Variants in ELF1 observed in about 807,000 individuals in gnomAD.
ELF1 encodes the protein E74 like ETS transcription factor 1.
A neutral mutation model predicts 59.9 loss-of-function variants in ELF1; 24 were observed. The observed-to-expected ratio is 0.40, with a 90% CI of 0.29 to 0.56. The LOEUF (loss-of-function observed/expected upper bound fraction) is 0.56. ELF1 is among the 20% of genes least tolerant of loss of function. ELF1 has a pLI of 0.44. For synonymous variants in ELF1, 248 were observed against 266.2 expected (o/e 0.93, Z 0.67); for missense variants, 627 against 742.2 (o/e 0.84, Z 1.80).
At chr13:40,944,681 C>T (rs1212950443) in intron 5 of ELF1, among the ~76,000 whole-genome samples, 1 of 152,196 alleles carries the variant, frequency 6.6e-6, no homozygotes, top group African/African-American at 2.4e-5. Flanking sequence ...AGCAGCGCCA[C>T]TGCCTTGTAT....
At chr13:41,000,941 C>T (rs1593388367) in intron 1 of ELF1, among the ~76,000 whole-genome samples, 1 of 150,982 alleles carries the variant, frequency 6.6e-6, no homozygotes, top group East Asian at 1.9e-4. Context: ...TCTGTATCAA[C>T]ATACCAATGA....
At chr13:40,954,945 C>G (rs1683533773) in intron 3 of ELF1, among the ~76,000 whole-genome samples, 3 of 137,046 alleles carry the variant, frequency 2.2e-5, no homozygotes, top group Non-Finnish European at 3.2e-5. Context: ...TGCCTGGCTG[C>G]CCAGTCTGGA....
At chr13:41,059,164 TCAA>T (rs1356865098) in intron 1 of ELF1, among the ~76,000 whole-genome samples, 1 of 152,252 alleles carries the variant, frequency 6.6e-6, no homozygotes, top group Non-Finnish European at 1.5e-5. Context: ...CAGGAATCGC[TCAA>T]CAATTCTTGT....
At chr13:41,041,260 CAA>C (rs11326566) in intron 1 of ELF1, among the ~76,000 whole-genome samples, 34,997 of 115,012 alleles carry the variant, frequency 0.3, 4,270 homozygotes, top group South Asian at 0.42. Context: ...CTGGTTTCAT[CAA>C]AAAAAAAAAA....
At chr13:40,976,824 C>CATG (rs1452862423) in intron 2 of ELF1, among the ~76,000 whole-genome samples, 1 of 152,184 alleles carries the variant, frequency 6.6e-6, no homozygotes, top group African/African-American at 2.4e-5. Flanking sequence ...GGATTACAGG[C>CATG]ATGAGCCACT....
At chr13:40,940,679 T>C (rs376436840) in intron 8 of ELF1, among the ~76,000 whole-genome samples, 4 of 152,214 alleles carry the variant, frequency 2.6e-5, no homozygotes, top group Non-Finnish European at 5.9e-5. Context: ...AATCCAGTTA[T>C]ACAAAGGTGT....
intron 1 of ELF1, among the ~76,000 whole-genome samples, chr13:41,055,134 G>A (rs887356769): frequency 2.0e-5 from 3 of 152,142 alleles, no homozygotes; most frequent in South Asian, 2.1e-4. Flanking sequence ...GTCTGTGAGC[G>A]GGAGGAGGAT....
At chr13:41,054,435 G>A (rs890703290) in intron 1 of ELF1, among the ~76,000 whole-genome samples, 7 of 152,160 alleles carry the variant, frequency 4.6e-5, no homozygotes, top group African/African-American at 1.7e-4. Context: ...GTATTAACTT[G>A]TTCATGGAGT....
chr13:41,003,856 T>G (rs1230554402), intron 1 of ELF1, among the ~76,000 whole-genome samples: 2 of 152,068 alleles, frequency 1.3e-5, no homozygotes, highest in Non-Finnish European at 2.9e-5. Flanking sequence ...CACTAATAAT[T>G]TCACTAAGAT....
Position 40,941,122 on chromosome 13 carries a change from G to A in ELF1, c.1055C>T (p.Ala352Val). 2 of 1,614,162 alleles carry A rather than the reference G, an allele frequency of 1.2e-6. No homozygotes were observed. Among genetic ancestry groups the A allele is most frequent in the Non-Finnish European group, 1.7e-6 (2 of 1,180,034 alleles). Residue 352 changes from alanine (A) to valine (V), a missense_variant, in exon 8 of 9, where the codon GCT becomes GTT. Coordinates refer to ENST00000239882, the MANE Select transcript of ELF1 (RefSeq NM_172373.4). Reference protein sequence around the residue: ...TTVLKPGNSKAAKPKDPVEVA... With the variant: ...TTVLKPGNSKVAKPKDPVEVA... Reference sequence around the variant, plus strand: ...TTCCACAGGATCTTTGGGTTTTGCAGCTTTAGAATTCCCTGGTTTTAGAAC... The same window carrying A: ...TTCCACAGGATCTTTGGGTTTTGCAACTTTAGAATTCCCTGGTTTTAGAAC...
intron 8 of ELF1, 146 bp from the exon 9 acceptor site, chr13:40,934,174 C>T (rs1028894276): frequency 9.1e-7 from 1 of 1,094,354 alleles, no homozygotes; most frequent in African/African-American, 1.6e-5. Flanking sequence ...TGACCAATAT[C>T]ATGCCAGACT....
intron 1 of ELF1, among the ~76,000 whole-genome samples, chr13:41,057,151 C>CTT (rs11358975): frequency 2.3e-5 from 3 of 131,624 alleles, no homozygotes; most frequent in Admixed American, 1.5e-4. Flanking sequence ...ACTTTCACGT[C>CTT]TTTTTTTTTT....
chr13:40,941,958 C>CA (rs1373895514), intron 7 of ELF1, among the ~76,000 whole-genome samples: 1 of 152,156 alleles, frequency 6.6e-6, no homozygotes, highest in Non-Finnish European at 1.5e-5. Flanking sequence ...CACACTCAGC[C>CA]CCCCTCTGCC....
chr13:40,993,204 A>G, intron 1 of ELF1: 2 of 1,534,554 alleles, frequency 1.3e-6, no homozygotes. Flanking sequence ...CTTCATTCCT[A>G]ACAGTGAGGC....
At chr13:40,938,874 G>GCAA (rs1257824781) in intron 8 of ELF1, among the ~76,000 whole-genome samples, 1 of 151,994 alleles carries the variant, frequency 6.6e-6, no homozygotes, top group Non-Finnish European at 1.5e-5. Context: ...AACAAATAAT[G>GCAA]CAAAATGCTA....
At chr13:40,934,484 G>A (rs983303848) in intron 8 of ELF1, among the ~76,000 whole-genome samples, 7 of 146,614 alleles carry the variant, frequency 4.8e-5, no homozygotes, top group South Asian at 2.1e-4. Flanking sequence ...GTACAGTGGC[G>A]TGATCTTGGC....
chr13:41,047,692 A>G (rs1024756513), intron 1 of ELF1, among the ~76,000 whole-genome samples: 10 of 152,300 alleles, frequency 6.6e-5, no homozygotes, highest in African/African-American at 2.4e-4. Flanking sequence ...TGCCCCTACT[A>G]GGGGTGCCTC....
At chr13:41,034,473 A>G (rs1238072584) in intron 1 of ELF1, among the ~76,000 whole-genome samples, 4 of 152,248 alleles carry the variant, frequency 2.6e-5, no homozygotes, top group Non-Finnish European at 5.9e-5. Context: ...TCATTTCAAA[A>G]TAAGTTTTAA....
chr13:40,953,529 C>T (rs1870997204), intron 3 of ELF1, among the ~76,000 whole-genome samples: 1 of 152,154 alleles, frequency 6.6e-6, no homozygotes, highest in Non-Finnish European at 1.5e-5. Flanking sequence ...AAAGAAGCCT[C>T]AGAAGGAATT....
Sources: allele counts gnomAD v4.1 joint callset (sites outside exome capture counted in the v4.1 genomes callset), GRCh38; gene constraint gnomAD v4.1.1; transcripts MANE v1.5; gene names NCBI Gene and HGNC (gene_info 2026-07-23, HGNC 2026-07-21).